The following COPS4 variants were observed in gnomAD, a reference collection of about 807,000 sequenced individuals.
COPS4 encodes the protein COP9 signalosome complex subunit 4.
Under a neutral mutation model 55.1 loss-of-function variants are expected in COPS4, and 8 were observed. The observed-to-expected ratio is 0.15, with a 90% CI of 0.09 to 0.26. The LOEUF is 0.26. COPS4 is among the 10% of genes least tolerant of loss of function. The pLI, the probability that COPS4 is intolerant of heterozygous loss-of-function variation, is 1.00. For synonymous variants in COPS4, 185 were observed against 165.7 expected (o/e 1.12, Z -0.90); for missense variants, 248 against 484.0 (o/e 0.51, Z 4.58).
At chr4:83,063,274 G>T in intron 7 of COPS4, 28 bp downstream of exon 7, 1 of 1,562,358 alleles carries the variant, frequency 6.4e-7, no homozygotes, top group Non-Finnish European at 8.7e-7. Context: ...TGTGTATATG[G>T]TAGTCAATGT....
intron 5 of COPS4, 28 bp from the exon 6 acceptor site, chr4:83,057,230 C>T: frequency 6.4e-7 from 1 of 1,559,486 alleles, no homozygotes. Context: ...TAATTTGTCC[C>T]CTAATTGAAA....
At chr4:83,062,043 C>T (rs1731174258) in intron 6 of COPS4, among the ~76,000 whole-genome samples, 1 of 151,826 alleles carries the variant, frequency 6.6e-6, no homozygotes, top group Admixed American at 6.6e-5. Context: ...GTGTTTAGGC[C>T]CTTTTGGTAT....
intron 6 of COPS4, among the ~76,000 whole-genome samples, chr4:83,062,491 A>C (rs1315964085): frequency 6.6e-6 from 1 of 152,242 alleles, no homozygotes; most frequent in Non-Finnish European, 1.5e-5. Flanking sequence ...ATGTCCTGAC[A>C]CATGTTTCCA....
chr4:83,072,349 C>T (rs1311513754), intron 9 of COPS4, among the ~76,000 whole-genome samples: 3 of 152,196 alleles, frequency 2.0e-5, no homozygotes, highest in Non-Finnish European at 4.4e-5. Context: ...ATCAGCCTGC[C>T]TCAGCCTCCC....
chr4:83,073,327 C>A, intron 9 of COPS4: 1 of 676,434 alleles, frequency 1.5e-6, no homozygotes, highest in Non-Finnish European at 2.7e-6. Context: ...AGCATAGTAT[C>A]TTTAGGGTTC....
chr4:83,041,671 T>A (rs1204035947), intron 1 of COPS4, among the ~76,000 whole-genome samples: 1 of 152,022 alleles, frequency 6.6e-6, no homozygotes, highest in Non-Finnish European at 1.5e-5. Context: ...TTTCTCCGTG[T>A]TGGCCAGGCT....
intron 4 of COPS4, among the ~76,000 whole-genome samples, chr4:83,051,421 T>C (rs1386978425): frequency 6.6e-6 from 1 of 152,120 alleles, no homozygotes; most frequent in Admixed American, 6.6e-5. Context: ...CAAGACCCTG[T>C]CTTTTTTAAA....
At chr4:83,060,258 A>C (rs533825980) in intron 6 of COPS4, among the ~76,000 whole-genome samples, 23 of 145,368 alleles carry the variant, frequency 1.6e-4, no homozygotes, top group African/African-American at 5.9e-4. Flanking sequence ...ATCTCGGCTC[A>C]CTGCAAGCTC....
chr4:83,044,015 C>A (rs1251948778), intron 1 of COPS4, among the ~76,000 whole-genome samples: 2 of 152,066 alleles, frequency 1.3e-5, no homozygotes, highest in African/African-American at 2.4e-5. Flanking sequence ...AGGGTGTGCC[C>A]TACAAAATAA....
chr4:83,054,221 A>G (rs988909742), intron 4 of COPS4, among the ~76,000 whole-genome samples: 9 of 152,272 alleles, frequency 5.9e-5, no homozygotes, highest in Non-Finnish European at 7.4e-5. Context: ...AGGCGCCTGT[A>G]GTCCCAGCTA....
At chr4:83,040,334 G>C (rs1730528498) in intron 1 of COPS4, among the ~76,000 whole-genome samples, 1 of 152,120 alleles carries the variant, frequency 6.6e-6, no homozygotes, top group Non-Finnish European at 1.5e-5. Context: ...TGGTTGTTGC[G>C]ATTGTCTGTT....
chr4:83,071,481 T>C (rs1731430128), intron 9 of COPS4, among the ~76,000 whole-genome samples: 3 of 152,036 alleles, frequency 2.0e-5, no homozygotes. Flanking sequence ...TGCAGTGGTA[T>C]GATCATAGCT....
intron 4 of COPS4, among the ~76,000 whole-genome samples, chr4:83,053,854 A>G (rs1730951258): frequency 2.0e-5 from 3 of 150,734 alleles, no homozygotes; most frequent in South Asian, 2.1e-4. Context: ...AAAAAAAAAG[A>G]TGGTTTATAA....
chr4:83,045,560 A>G, intron 1 of COPS4, 66 bp from the exon 2 acceptor site: 2 of 1,217,390 alleles, frequency 1.6e-6, no homozygotes, highest in Non-Finnish European at 2.4e-6. Context: ...GAATAAATAC[A>G]CATCAAAGTT....
chr4:83,050,807 A>G (rs925250593), intron 4 of COPS4, among the ~76,000 whole-genome samples: 1 of 152,110 alleles, frequency 6.6e-6, no homozygotes, highest in Non-Finnish European at 1.5e-5. Context: ...AAGCCATTGT[A>G]AGGAATTTGG....
At chr4:83,060,876 A>G (rs1448419122) in intron 6 of COPS4, among the ~76,000 whole-genome samples, 1 of 151,580 alleles carries the variant, frequency 6.6e-6, no homozygotes, top group Non-Finnish European at 1.5e-5. Flanking sequence ...TTCTACTGAA[A>G]ATACAAAATT....
chr4:83,045,520 A>G lies in COPS4; in HGVS notation c.75-106A>G. 3.7e-6 allele frequency: 3 copies of G among 816,568 alleles called. No individual in the cohort carries two copies. In the Middle Eastern group the frequency reaches 8.8e-4, roughly 238 times the overall value. The allele number at this position is 816,568 out of a possible 1,614,324, so 50.6% of individuals were successfully genotyped here. A position where few individuals can be genotyped will look rare whatever the true frequency, so the allele number is the denominator to read the frequency against. ...TATAAAGAAAACCACAAACTATAGT[A>G]CTATGAAAGAAACCAAGGTATGTAG... On this transcript the variant is annotated intron_variant, in intron 1 of 9. Transcript: ENST00000264389.
Position 83,050,312 on chromosome 4 carries a change from T to G in COPS4, c.410+328T>G, listed in dbSNP as rs575209849. 4.6e-4 allele frequency among the ~76,000 whole-genome samples: 70 copies of G among 151,846 alleles called. No individual in the cohort carries two copies. The South Asian group carries it at 6.0e-3, about 13-fold the overall frequency. ...TGTTGTTGTTGTTGTTGTTGTTGTTTTTTGTGACGGAGTTTTGCTCTGTTG... is the reference window on the plus strand; with the variant it reads ...TGTTGTTGTTGTTGTTGTTGTTGTTGTTTGTGACGGAGTTTTGCTCTGTTG... On this transcript the variant is annotated intron_variant, in intron 4 of 9. Transcript: ENST00000264389.
At chr4:83,068,288 G>C in intron 8 of COPS4, 150 bp from the exon 9 acceptor site, 1 of 593,102 alleles carries the variant, frequency 1.7e-6, no homozygotes, top group East Asian at 3.0e-5. Context: ...GAAATAGCCA[G>C]ATTTACAAGA....
Sources: allele counts gnomAD v4.1 joint callset (sites outside exome capture counted in the v4.1 genomes callset), GRCh38; gene constraint gnomAD v4.1.1; transcripts MANE v1.5; gene names NCBI Gene and HGNC (gene_info 2026-07-23, HGNC 2026-07-21).